Variants in ADARB2 observed in about 807,000 individuals in gnomAD.
The protein encoded by ADARB2 is inactive double-stranded RNA-specific editase B2.
ADARB2 carries 25 observed loss-of-function variants against 62.2 expected under a neutral mutation model. The ratio of observed to expected loss-of-function variants is 0.40; its 90% CI spans 0.29 to 0.56. The LOEUF is 0.56. Ranked by LOEUF, ADARB2 falls within the 20% of genes least tolerant of loss-of-function variation. The pLI, the probability that ADARB2 is intolerant of heterozygous loss-of-function variation, is 0.43. For synonymous variants in ADARB2, 572 were observed against 500.8 expected (o/e 1.14, Z -1.90); for missense variants, 1,071 against 1,077.4 (o/e 0.99, Z 0.08).
intron 1 of ADARB2, among the ~76,000 whole-genome samples, chr10:1,621,275 G>A (rs1588327059): frequency 6.6e-6 from 1 of 152,056 alleles, no homozygotes; most frequent in East Asian, 1.9e-4. Flanking sequence ...CAAGATTGCA[G>A]GACATATGAT....
At chr10:1,431,895 A>G (rs906606961) in intron 1 of ADARB2, among the ~76,000 whole-genome samples, 1 of 152,230 alleles carries the variant, frequency 6.6e-6, no homozygotes, top group African/African-American at 2.4e-5. Flanking sequence ...AACTCAACCA[A>G]GATGGAATAG....
chr10:1,416,594 T>C (rs965364829), intron 1 of ADARB2, among the ~76,000 whole-genome samples: 3 of 152,226 alleles, frequency 2.0e-5, no homozygotes, highest in Non-Finnish European at 4.4e-5. Flanking sequence ...GGAAAGGCCC[T>C]TGTGAGGCTG....
intron 1 of ADARB2, among the ~76,000 whole-genome samples, chr10:1,728,455 T>C (rs1035078923): frequency 1.3e-5 from 2 of 152,216 alleles, no homozygotes; most frequent in Non-Finnish European, 2.9e-5. Flanking sequence ...TATTTCAACT[T>C]TCTCTATTTG....
intron 6 of ADARB2, among the ~76,000 whole-genome samples, chr10:1,224,799 G>T (rs576679234): frequency 3.9e-5 from 6 of 152,278 alleles, no homozygotes; most frequent in African/African-American, 1.4e-4. Context: ...TATAATTTCG[G>T]TTCTTTTACA....
At chr10:1,448,650 T>C (rs1830999347) in intron 1 of ADARB2, among the ~76,000 whole-genome samples, 3 of 152,334 alleles carry the variant, frequency 2.0e-5, no homozygotes, top group Non-Finnish European at 4.4e-5. Flanking sequence ...CTTTATTTCC[T>C]GCAGATTGAA....
intron 7 of ADARB2, among the ~76,000 whole-genome samples, chr10:1,210,986 C>A (rs949599266): frequency 6.6e-6 from 1 of 152,068 alleles, no homozygotes; most frequent in Non-Finnish European, 1.5e-5. Context: ...GCCAGGGAGG[C>A]TCTGGGCACT....
intron 1 of ADARB2, among the ~76,000 whole-genome samples, chr10:1,464,126 G>C: frequency 6.6e-6 from 1 of 151,656 alleles, no homozygotes; most frequent in African/African-American, 2.4e-5. Flanking sequence ...CGGAGAAGAG[G>C]GTGGACACAC....
chr10:1,516,047 A>G (rs1832004707), intron 1 of ADARB2, among the ~76,000 whole-genome samples: 1 of 152,210 alleles, frequency 6.6e-6, no homozygotes, highest in South Asian at 2.1e-4. Flanking sequence ...AACTCAAGTC[A>G]GAGCCCAGAG....
chr10:1,184,995 AG>A lies in ADARB2; in HGVS notation c.1908del (p.Phe637SerfsTer3). Reference protein sequence around the residue: ...AEARQPGKSPPFSMNWVVGSA... With the variant: ...AEARQPGKSPXFSMNWVVGSA... ...CTGCCCACGACCCAGTTCATGCTGA[AG>A]GGGGGCGACTTCCCCGGCTGGCGCG... On this transcript the variant is annotated frameshift_variant, in exon 9 of 10. Coordinates refer to ENST00000381312, the MANE Select transcript of ADARB2 (RefSeq NM_018702.4). LOFTEE classifies it high-confidence loss of function. 1 of 1,613,488 alleles carries A rather than the reference AG, an allele frequency of 6.2e-7. No homozygotes were observed. Among genetic ancestry groups the A allele is most frequent in the Non-Finnish European group, 8.5e-7 (1 of 1,179,898 alleles).
rs1402149838 is a variant in ADARB2 at position 1,398,965 on chromosome 10, C to G, written c.101-19805G>C. On this transcript the variant is annotated intron_variant, in intron 1 of 9. Transcript: ENST00000381312. The surrounding 1 kb of genome is among the most constrained non-coding windows in gnomAD (Gnocchi z 4.1). ...GACTTCTAAGAGTGGGCACTTACTT[C>G]AGCCCTGGGAAATCTCTCCTCAGAG... is the stretch of plus-strand genomic sequence containing the variant. Among the ~76,000 whole-genome samples, 2 of 152,182 alleles carry G rather than the reference C, an allele frequency of 1.3e-5. No homozygotes were observed. Among genetic ancestry groups the G allele is most frequent in the African/African-American group, 4.8e-5 (2 of 41,440 alleles).
At chr10:1,338,424 G>T (rs1831993575) in intron 3 of ADARB2, among the ~76,000 whole-genome samples, 1 of 152,094 alleles carries the variant, frequency 6.6e-6, no homozygotes, top group African/African-American at 2.4e-5. Flanking sequence ...CTCTTCTTCA[G>T]ATCCCTATCA....
intron 1 of ADARB2, among the ~76,000 whole-genome samples, chr10:1,688,910 C>T (rs1382438416): frequency 6.6e-6 from 1 of 152,040 alleles, no homozygotes; most frequent in African/African-American, 2.4e-5. Flanking sequence ...TGATTACAAA[C>T]CAAAAAACAT....
Position 1,363,883 on chromosome 10 carries a change from G to A in ADARB2, c.222C>T (p.Asn74=). The change falls in exon 3 of 10, where the codon AAC becomes AAT. Residue 74 remains asparagine (N), a synonymous_variant. Coordinates refer to ENST00000381312, the MANE Select transcript of ADARB2 (RefSeq NM_018702.4). The part of the protein sequence containing the change: ...TSSAEVKENR[N]VGNLAARPPP... ...GTGGCCGCGCGGCCAGGTTGCCCAC[G>A]TTGCGGTTCTCCTTCACCTCCGCGC... is the stretch of plus-strand genomic sequence containing the variant. 1 of 1,491,126 alleles carries A rather than the reference G, an allele frequency of 6.7e-7. No individual in the cohort carries two copies. The highest frequency in any genetic ancestry group is 8.8e-7 in the Non-Finnish European group (1 of 1,131,136). The allele number at this position is 1,491,126 out of a possible 1,614,324, so 92.4% of individuals were successfully genotyped here. A position where few individuals can be genotyped will look rare whatever the true frequency, so the allele number is the denominator to read the frequency against.
At chr10:1,582,439 C>T (rs1020211813) in intron 1 of ADARB2, among the ~76,000 whole-genome samples, 1 of 152,190 alleles carries the variant, frequency 6.6e-6, no homozygotes, top group Non-Finnish European at 1.5e-5. Context: ...CCTCGTGCTG[C>T]CCTGGTTTCC....
chr10:1,507,267 G>T (rs1751521824), intron 1 of ADARB2, among the ~76,000 whole-genome samples: 1 of 152,244 alleles, frequency 6.6e-6, no homozygotes, highest in Non-Finnish European at 1.5e-5. Flanking sequence ...AGATGTGCTG[G>T]CTGTAGAAGA....
At chr10:1,256,589 G>A (rs1024569884) in intron 4 of ADARB2, among the ~76,000 whole-genome samples, 3 of 152,184 alleles carry the variant, frequency 2.0e-5, no homozygotes, top group African/African-American at 7.2e-5. Context: ...AGAATTTGGG[G>A]TAGGATACCA....
At chr10:1,619,058 G>A (rs186907580) in intron 1 of ADARB2, among the ~76,000 whole-genome samples, 2 of 152,304 alleles carry the variant, frequency 1.3e-5, no homozygotes, top group Admixed American at 1.3e-4. Context: ...AGGAGTTAAA[G>A]TGATACACTC....
chr10:1,665,357 C>T (rs991515718), intron 1 of ADARB2, among the ~76,000 whole-genome samples: 3 of 152,230 alleles, frequency 2.0e-5, no homozygotes, highest in Admixed American at 6.5e-5. Context: ...CTGGGGGAGA[C>T]GCCACAGAAA....
At chr10:1,648,541 C>T (rs755957064) in intron 1 of ADARB2, among the ~76,000 whole-genome samples, 12 of 152,280 alleles carry the variant, frequency 7.9e-5, no homozygotes, top group East Asian at 3.9e-4. Context: ...TGCCTACGCT[C>T]GAGAACTGTT....
Sources: allele counts gnomAD v4.1 joint callset (sites outside exome capture counted in the v4.1 genomes callset), GRCh38; gene constraint gnomAD v4.1.1; non-coding constraint Gnocchi (gnomAD v3.1); transcripts MANE v1.5; gene names NCBI Gene and HGNC (gene_info 2026-07-23, HGNC 2026-07-21).